Variants in MRC2 observed in about 807,000 individuals in gnomAD.
MRC2 encodes the protein mannose receptor C-type 2, also known as C-type mannose receptor 2.
Under a neutral mutation model 206.2 loss-of-function variants are expected in MRC2, and 84 were observed. That is an observed-to-expected ratio of 0.41 (90% CI 0.34 to 0.49). MRC2 has a LOEUF of 0.49. Among genes scored for constraint, MRC2 ranks in the 20% least tolerant of loss-of-function variants. The pLI, the probability that MRC2 is intolerant of heterozygous loss-of-function variation, is 0.31. For synonymous variants in MRC2, 798 were observed against 800.0 expected (o/e 1.00, Z 0.04); for missense variants, 1,676 against 2,001.5 (o/e 0.84, Z 3.10).
intron 20 of MRC2, among the ~76,000 whole-genome samples, chr17:62,686,566 A>G (rs1258938647): frequency 1.3e-5 from 2 of 152,180 alleles, no homozygotes; most frequent in Non-Finnish European, 2.9e-5. Context: ...TCACCTCCTA[A>G]GAGGCCGGGG....
At position 62,665,088 on chromosome 17, in the gene MRC2, A is replaced by AT. The variant is rs1376756332; in HGVS notation, c.520+145dup. The AT allele has an allele frequency of 3.1e-6, 3 of 978,518 alleles. No homozygotes were observed. The African/African-American group carries it at 4.9e-5, about 16-fold the overall frequency. 60.6% of individuals were successfully genotyped at this position (978,518 alleles called of 1,614,324 possible). A position where few individuals can be genotyped will look rare whatever the true frequency, so the allele number is the denominator to read the frequency against. Reference sequence around the variant, plus strand: ...CACATGTTTAATTATAATAGGAAGCATTTTTTAATAATTAAGAAAATTAAC... The same window carrying AT: ...CACATGTTTAATTATAATAGGAAGCATTTTTTTAATAATTAAGAAAATTAAC... On this transcript the variant is annotated intron_variant, in intron 2 of 29. Transcript: ENST00000303375.
intron 1 of MRC2, among the ~76,000 whole-genome samples, chr17:62,634,156 G>C (rs2088282329): frequency 6.6e-6 from 1 of 152,178 alleles, no homozygotes; most frequent in African/African-American, 2.4e-5. Context: ...GGAACTGAGG[G>C]AGTCTTCCCT....
chr17:62,658,841 T>G (rs1266565143), intron 1 of MRC2, among the ~76,000 whole-genome samples: 1 of 152,230 alleles, frequency 6.6e-6, no homozygotes, highest in African/African-American at 2.4e-5. Context: ...GTAGAGTTTC[T>G]GAGAACCAGA....
At chr17:62,637,736 T>G (rs1037080341) in intron 1 of MRC2, among the ~76,000 whole-genome samples, 1 of 152,078 alleles carries the variant, frequency 6.6e-6, no homozygotes, top group Admixed American at 6.6e-5. Flanking sequence ...GACCTTCTGA[T>G]TACCCTCAGC....
chr17:62,658,966 T>C (rs2088649632), intron 1 of MRC2, among the ~76,000 whole-genome samples: 1 of 152,196 alleles, frequency 6.6e-6, no homozygotes, highest in Admixed American at 6.6e-5. Flanking sequence ...TATAACACAA[T>C]ACCGTTAACA....
chr17:62,662,380 T>C (rs2088691651), intron 1 of MRC2, among the ~76,000 whole-genome samples: 1 of 152,226 alleles, frequency 6.6e-6, no homozygotes, highest in Admixed American at 6.5e-5. Flanking sequence ...TTTCAGCTCC[T>C]TCCCTTAACA....
chr17:62,673,015 A>T (rs1373562032), intron 8 of MRC2, among the ~76,000 whole-genome samples: 1 of 151,930 alleles, frequency 6.6e-6, no homozygotes, highest in Non-Finnish European at 1.5e-5. Context: ...TAAAATAAAA[A>T]GGAGAAAGCC....
Position 62,692,274 on chromosome 17 carries a change from G to T in MRC2, c.4263G>T (p.Ala1421=), listed in dbSNP as rs765896720. The T allele has an allele frequency of 1.4e-4, 220 of 1,604,424 alleles. No individual in the cohort carries two copies. Among genetic ancestry groups the T allele is most frequent in the Non-Finnish European group, 1.2e-4 (142 of 1,175,578 alleles). ...NPAALVVVLM[A]VLLLLALLTA... is the part of the protein sequence containing the mutation. ...CGGCCCTGGTGGTGGTGCTGATGGC[G>T]GTGCTGCTGCTCCTGGCCTTGCTGA... Residue 1421 remains alanine, a synonymous_variant, in exon 30 of 30, where the codon GCG becomes GCT. Transcript: ENST00000303375. The surrounding 1 kb of genome is among the most constrained non-coding windows in gnomAD (Gnocchi z 4.2).
chr17:62,648,908 G>A (rs1303390940), intron 1 of MRC2, among the ~76,000 whole-genome samples: 1 of 152,192 alleles, frequency 6.6e-6, no homozygotes, highest in African/African-American at 2.4e-5. Context: ...GCCCAAAACT[G>A]GGCAGAGGTT....
chr17:62,679,591 G>A (rs2088934924), intron 13 of MRC2: 1 of 452,834 alleles, frequency 2.2e-6, no homozygotes, highest in African/African-American at 2.0e-5. Flanking sequence ...GGATGGCTTG[G>A]TCCAGCTCTC....
At chr17:62,631,638 C>T (rs765334170) in intron 1 of MRC2, among the ~76,000 whole-genome samples, 2 of 152,080 alleles carry the variant, frequency 1.3e-5, no homozygotes, top group Non-Finnish European at 1.5e-5. Flanking sequence ...GAGGGTGGAG[C>T]GAGCAGCCCT....
Position 62,692,347 on chromosome 17 carries a change from G to A in MRC2, c.4336G>A (p.Ala1446Thr), listed in dbSNP as rs765835775. The change falls in exon 30 of 30, where the codon GCC becomes ACC. Residue 1446 changes from alanine (A) to threonine (T), a missense_variant. This residue lies in a region of MRC2 where 1,354 missense variants were observed against 1,636.6 expected (regional missense o/e 0.83). Coordinates refer to ENST00000303375, the MANE Select transcript of MRC2 (RefSeq NM_006039.5). This position sits in a 1 kb window ranked among gnomAD's most constrained non-coding sequence, Gnocchi z 4.2. Reference protein sequence around the residue: ...YRRRQSIERGAFEGARYSRSS... With the variant: ...YRRRQSIERGTFEGARYSRSS... ...GAGGCGCCAGAGCATCGAGCGCGGG[G>A]CCTTTGAGGGTGCCCGCTACAGCCG... The A allele has an allele frequency of 6.3e-7, 1 of 1,575,030 alleles. No individual in the cohort carries two copies. The highest frequency in any genetic ancestry group is 8.6e-7 in the Non-Finnish European group (1 of 1,160,338).
chr17:62,674,957 G>GC (rs1477371196), intron 9 of MRC2, among the ~76,000 whole-genome samples: 4 of 152,088 alleles, frequency 2.6e-5, no homozygotes, highest in African/African-American at 9.7e-5. Flanking sequence ...GGACCCCAAA[G>GC]CCTCCCCCAG....
intron 1 of MRC2, among the ~76,000 whole-genome samples, chr17:62,646,023 ATTTTTT>A (rs34679697): frequency 9.4e-6 from 1 of 106,398 alleles, no homozygotes; most frequent in Admixed American, 9.8e-5. Context: ...GTCCTTTTCT[ATTTTTT>A]TTTTTTTTTT....
At position 62,664,642 on chromosome 17, in the gene MRC2, C is replaced by G. The variant is rs747486959; in HGVS notation, c.213C>G (p.Ser71Arg). Reference sequence around the variant, plus strand: ...GAGTCACCCCGGCTTGCAATACCAGCCTCCCTGCCCAGCGCTGGAAGTGGG... The same window carrying G: ...GAGTCACCCCGGCTTGCAATACCAGGCTCCCTGCCCAGCGCTGGAAGTGGG... ...QVRVTPACNT[S>R]LPAQRWKWVS... The change falls in exon 2 of 30, where the codon AGC becomes AGG. Residue 71 changes from serine to arginine, a missense_variant. Around this residue, in one of 3 missense-constraint regions of MRC2, gnomAD observed 318 missense variants for 346.7 expected, o/e 0.92. Coordinates refer to ENST00000303375, the MANE Select transcript of MRC2 (RefSeq NM_006039.5). This position sits in a 1 kb window ranked among gnomAD's most constrained non-coding sequence, Gnocchi z 4.7. 1.2e-6 allele frequency: 2 copies of G among 1,613,774 alleles called. No individual in the cohort carries two copies. Among genetic ancestry groups the G allele is most frequent in the Non-Finnish European group, 8.5e-7 (1 of 1,180,032 alleles).
rs1219418786 is a variant in MRC2, at chr17:62,677,454, G to T, written c.2020G>T (p.Ala674Ser). Residue 674 changes from alanine (A) to serine (S), a missense_variant, in exon 12 of 30, where the codon GCC becomes TCC. Ala to Ser is a moderately conservative substitution (Grantham distance 99, BLOSUM62 1). Transcript: ENST00000303375. The part of the protein sequence containing the change: ...SLTGSCPQGW[A>S]SDTKLRYCYK... ...CACTGGCTCCTGTCCCCAGGGCTGG[G>T]CCTCGGACACCAAACTCCGGTATTG... 5 of 1,607,724 alleles carry T rather than the reference G, an allele frequency of 3.1e-6. No homozygotes were observed. Among genetic ancestry groups the T allele is most frequent in the Non-Finnish European group, 4.2e-6 (5 of 1,176,476 alleles).
At chr17:62,639,691 C>T (rs2088374636) in intron 1 of MRC2, among the ~76,000 whole-genome samples, 1 of 152,138 alleles carries the variant, frequency 6.6e-6, no homozygotes, top group Admixed American at 6.5e-5. Flanking sequence ...GTGGCACAAT[C>T]ATAGTTCACT....
At chr17:62,648,939 A>T (rs1292375872) in intron 1 of MRC2, among the ~76,000 whole-genome samples, 2 of 152,232 alleles carry the variant, frequency 1.3e-5, no homozygotes, top group Non-Finnish European at 2.9e-5. Flanking sequence ...TATCAAAAGC[A>T]GTAATGGCCT....
intron 1 of MRC2, among the ~76,000 whole-genome samples, chr17:62,636,010 A>G (rs2088311606): frequency 6.6e-6 from 1 of 151,428 alleles, no homozygotes; most frequent in Non-Finnish European, 1.5e-5. Context: ...GATGGTCTCA[A>G]TCTCCTGACC....
Sources: allele counts gnomAD v4.1 joint callset (sites outside exome capture counted in the v4.1 genomes callset), GRCh38; gene constraint gnomAD v4.1.1; regional missense constraint gnomAD v4.1.1; non-coding constraint Gnocchi (gnomAD v3.1); transcripts MANE v1.5; gene names NCBI Gene and HGNC (gene_info 2026-07-23, HGNC 2026-07-21).